Variants in SUGCT observed in about 807,000 individuals in gnomAD.
The protein encoded by SUGCT is succinyl-CoA:glutarate-CoA transferase.
SUGCT carries 41 observed loss-of-function variants against 55.0 expected under a neutral mutation model. The ratio of observed to expected loss-of-function variants is 0.74; its 90% CI spans 0.58 to 0.97. The LOEUF (loss-of-function observed/expected upper bound fraction) is 0.97, where lower values mean the gene tolerates loss of function less well. SUGCT is among the 50% of genes least tolerant of loss of function. The probability of loss-of-function intolerance (pLI) is 0.00; values close to 1 mark genes in which losing one functional copy is unlikely to be tolerated. For missense variants in SUGCT, 568 were observed against 547.8 expected (o/e 1.04, Z -0.37); for synonymous variants, 187 against 200.4 (o/e 0.93, Z 0.56).
chr7:40,397,588 G>T (rs1031163127), intron 9 of SUGCT, among the ~76,000 whole-genome samples: 2 of 152,282 alleles, frequency 1.3e-5, no homozygotes, highest in South Asian at 4.1e-4. Context: ...TCCAGTCTAA[G>T]TTGCTTTTGT....
At chr7:40,645,396 C>G (rs910974435) in intron 12 of SUGCT, among the ~76,000 whole-genome samples, 2 of 152,056 alleles carry the variant, frequency 1.3e-5, no homozygotes, top group Non-Finnish European at 2.9e-5. Context: ...TACAAAGGGC[C>G]GGGGACTAAG....
chr7:40,710,974 G>C (rs887078461), intron 12 of SUGCT, among the ~76,000 whole-genome samples: 1 of 152,194 alleles, frequency 6.6e-6, no homozygotes, highest in Non-Finnish European at 1.5e-5. Flanking sequence ...GGAAGGAATT[G>C]GGAGTACAGT....
chr7:40,734,143 A>G (rs569525015), intron 12 of SUGCT, among the ~76,000 whole-genome samples: 2 of 152,322 alleles, frequency 1.3e-5, no homozygotes, highest in African/African-American at 4.8e-5. Context: ...TCTCCATAAA[A>G]GATTACTTGC....
chr7:40,673,891 G>C (rs989110131), intron 12 of SUGCT, among the ~76,000 whole-genome samples: 1 of 152,062 alleles, frequency 6.6e-6, no homozygotes, highest in African/African-American at 2.4e-5. Context: ...AAGGGTTTTT[G>C]CTACCTTAAA....
chr7:40,418,850 T>A (rs919752580), intron 9 of SUGCT, among the ~76,000 whole-genome samples: 4 of 152,154 alleles, frequency 2.6e-5, no homozygotes, highest in African/African-American at 7.2e-5. Context: ...GGCAGCTTAA[T>A]TCTAGGATAG....
At chr7:40,243,363 G>A (rs1789595532) in intron 7 of SUGCT, among the ~76,000 whole-genome samples, 1 of 151,950 alleles carries the variant, frequency 6.6e-6, no homozygotes, top group South Asian at 2.1e-4. Context: ...ACCATAATAA[G>A]TTACTCTGTA....
intron 7 of SUGCT, among the ~76,000 whole-genome samples, chr7:40,271,493 A>G (rs891797422): frequency 6.6e-6 from 1 of 152,084 alleles, no homozygotes; most frequent in Non-Finnish European, 1.5e-5. Context: ...GATCTGGGTT[A>G]TGATTTTTAA....
At chr7:40,402,206 G>A (rs1023507829) in intron 9 of SUGCT, among the ~76,000 whole-genome samples, 2 of 151,574 alleles carry the variant, frequency 1.3e-5, no homozygotes, top group South Asian at 4.2e-4. Context: ...AATTAGGAAA[G>A]GCCGTTCTAG....
chr7:40,290,389 AAAAC>A (rs1793665712), intron 8 of SUGCT, among the ~76,000 whole-genome samples: 1 of 152,246 alleles, frequency 6.6e-6, no homozygotes, highest in Admixed American at 6.5e-5. Context: ...AAACCTGAGA[AAAAC>A]AAGCTTTGGG....
At chr7:40,862,386 C>T (rs548341731), downstream of SUGCT, among the ~76,000 whole-genome samples, 1 of 152,286 alleles carries the variant, frequency 6.6e-6, no homozygotes, top group South Asian at 2.1e-4. Flanking sequence ...ATTTACTGTG[C>T]TCTGCTGATT....
At chr7:40,249,563 A>G (rs11763124) in intron 7 of SUGCT, among the ~76,000 whole-genome samples, 72,037 of 150,608 alleles carry the variant, frequency 0.48, 18,500 homozygotes, top group African/African-American at 0.68. Flanking sequence ...TATGACTTAG[A>G]ATAACATATT....
chr7:41,010,280 C>T, the SUGCT span, among the ~76,000 whole-genome samples: 1 of 152,316 alleles, frequency 6.6e-6, no homozygotes, highest in South Asian at 2.1e-4. Context: ...GCTACTGTTA[C>T]TGTTAATGAC....
rs1374953353 is a variant in SUGCT, at chr7:40,180,809, A to G, written c.101-138A>G. ...GGCTGAGCTTCCAGTATTCTTTACT[A>G]GAGTCTTGTGGTCTGTGGACTCCCT... On this transcript the variant is annotated intron_variant, in intron 1 of 13. Transcript: ENST00000335693. 26 of 651,638 alleles carry G rather than the reference A, an allele frequency of 4.0e-5. 1 individual carries two copies. The East Asian group carries it at 6.4e-4, about 16-fold the overall frequency. 40.4% of individuals were successfully genotyped at this position (651,638 alleles called of 1,614,324 possible).
At chr7:40,336,223 T>C in intron 9 of SUGCT, among the ~76,000 whole-genome samples, 1 of 152,156 alleles carries the variant, frequency 6.6e-6, no homozygotes, top group South Asian at 2.1e-4. Context: ...TTTTGTTGTA[T>C]CTCTGCCAGG....
intron 9 of SUGCT, among the ~76,000 whole-genome samples, chr7:40,369,292 T>C (rs1425138673): frequency 6.6e-6 from 1 of 152,118 alleles, no homozygotes; most frequent in East Asian, 1.9e-4. Context: ...GAGTGGAAGA[T>C]GGCAATGAAG....
chr7:40,499,216 T>C (rs1370122401), intron 12 of SUGCT: 3 of 420,536 alleles, frequency 7.1e-6, no homozygotes, highest in South Asian at 1.7e-5. Flanking sequence ...GGCGTAGGAA[T>C]GGAGACTTTG....
chr7:40,747,986 G>A (rs1254780020), intron 12 of SUGCT, among the ~76,000 whole-genome samples: 1 of 152,056 alleles, frequency 6.6e-6, no homozygotes, highest in East Asian at 1.9e-4. Context: ...AGGGATTTAA[G>A]TTGCTTCATT....
chr7:40,689,393 A>G (rs1376202387), intron 12 of SUGCT, among the ~76,000 whole-genome samples: 2 of 152,234 alleles, frequency 1.3e-5, no homozygotes, highest in African/African-American at 4.8e-5. Context: ...TAGATTTCCA[A>G]GCAAAGCAGA....
chr7:40,276,795 A>ATG (rs754085745), intron 8 of SUGCT, among the ~76,000 whole-genome samples: 4,828 of 146,840 alleles, frequency 0.033, 198 homozygotes, highest in African/African-American at 0.1. Context: ...TGGGGTGTGC[A>ATG]TGTGTGTGTG....
Sources: allele counts gnomAD v4.1 joint callset (sites outside exome capture counted in the v4.1 genomes callset), GRCh38; gene constraint gnomAD v4.1.1; transcripts MANE v1.5; gene names NCBI Gene and HGNC (gene_info 2026-07-23, HGNC 2026-07-21).